The following KIAA1755 variants were observed in gnomAD, a reference collection of about 807,000 sequenced individuals.
KIAA1755 encodes uncharacterized protein KIAA1755.
A neutral mutation model predicts 91.7 loss-of-function variants in KIAA1755; 68 were observed. The observed-to-expected ratio is 0.74, with a 90% confidence interval of 0.61 to 0.91. The LOEUF (loss-of-function observed/expected upper bound fraction) is 0.91. KIAA1755 is among the 40% of genes least tolerant of loss of function. The probability of loss-of-function intolerance (pLI) is 0.00; values close to 1 mark genes in which losing one functional copy is unlikely to be tolerated. For synonymous variants in KIAA1755, 610 were observed against 604.6 expected, an observed-to-expected ratio of 1.01 and a Z score of -0.13; for missense variants, 1,535 against 1,494.4, an observed-to-expected ratio of 1.03 and a Z score of -0.45.
At chr20:38,229,212 C>G (rs534385998) in intron 5 of KIAA1755, among the ~76,000 whole-genome samples, 2 of 152,316 alleles carry the variant, frequency 1.3e-5, no homozygotes, top group South Asian at 4.1e-4. Context: ...GCCATTAGTA[C>G]CTTGTGGTCT....
At chr20:38,235,003 G>T (rs763062605) in intron 4 of KIAA1755, among the ~76,000 whole-genome samples, 1 of 152,314 alleles carries the variant, frequency 6.6e-6, no homozygotes, top group Non-Finnish European at 1.5e-5. Context: ...GTAAGTCGGG[G>T]TTGCCCAAAG....
intron 1 of KIAA1755, 36 bp downstream of exon 1, chr20:38,260,462 G>A (rs1008115090): frequency 9.9e-6 from 15 of 1,515,454 alleles, no homozygotes; most frequent in Non-Finnish European, 1.2e-5. Flanking sequence ...CACTGAAAGG[G>A]GGCAGAGCGA....
chr20:38,258,661 C>T (rs539738619), intron 1 of KIAA1755, among the ~76,000 whole-genome samples: 1 of 152,172 alleles, frequency 6.6e-6, no homozygotes, highest in South Asian at 2.1e-4. Context: ...AGGTATTCCT[C>T]CAAGCAGGAA....
chr20:38,239,600 GCTC>G lies in KIAA1755; in HGVS notation c.1672_1674del (p.Glu558del), dbSNP rs753439033. ...CCAATCCTGGGCTCAGGCCCTGGGG[GCTC>G]CTCCTCCAGGGTGGGGCCTCTTTCT... On this transcript the variant is annotated inframe_deletion, in exon 4 of 14. Transcript: ENST00000279024. 4 of 1,607,358 alleles carry G rather than the reference GCTC, an allele frequency of 2.5e-6. No individual in the cohort carries two copies. Among genetic ancestry groups the G allele is most frequent in the Non-Finnish European group, 2.5e-6 (3 of 1,177,804 alleles).
chr20:38,240,743 G>T lies in KIAA1755; in HGVS notation c.1388C>A (p.Ser463Tyr), dbSNP rs566259308. ...PMPCPSRNTS[S>Y]PEPPTPGLKF... ...GAGCCCAGGAGTGGGGGGCTCAGGG[G>T]AGGAGGTGTTTCTGCTAGGGCAGGG... The change falls in exon 3 of 14, where the codon TCC (serine) becomes TAC (tyrosine). Residue 463 changes from serine to tyrosine, a missense_variant. By Grantham distance (144) the Ser-to-Tyr change is moderately radical. Coordinates refer to ENST00000279024, the MANE Select transcript of KIAA1755 (RefSeq NM_001029864.2). 6 of 1,580,780 alleles carry T rather than the reference G, an allele frequency of 3.8e-6. No individual in the cohort carries two copies. The East Asian group carries it at 1.3e-4, about 35-fold the overall frequency.
rs1390489510 is a variant in KIAA1755 at position 38,212,871 on chromosome 20, T to C, written c.*171A>G. 7 of 557,038 alleles carry C rather than the reference T, an allele frequency of 1.3e-5. No individual in the cohort carries two copies. Among genetic ancestry groups the C allele is most frequent in the African/African-American group, 1.9e-5 (1 of 53,706 alleles). 34.5% of individuals were successfully genotyped at this position (557,038 alleles called of 1,614,324 possible). On this transcript the variant is annotated 3_prime_UTR_variant, in exon 14 of 14. Transcript: ENST00000279024. ...TGAAGATCGGGTCTTCCAGGAGTTT[T>C]CTGGAGCCAGGGGCAGGTCGACAGT...
chr20:38,233,322 G>A (rs2075902262), intron 4 of KIAA1755: 4 of 152,108 alleles, frequency 2.6e-5, no homozygotes, highest in Admixed American at 2.0e-4. Flanking sequence ...ATACTATTCT[G>A]TCTACTTTTC....
intron 10 of KIAA1755, among the ~76,000 whole-genome samples, 161 bp downstream of exon 10, chr20:38,222,287 TC>T (rs1233654509): frequency 6.6e-6 from 1 of 152,230 alleles, no homozygotes; most frequent in Non-Finnish European, 1.5e-5. Flanking sequence ...AGGGCAGGTT[TC>T]TGTGACCAGG....
intron 4 of KIAA1755, among the ~76,000 whole-genome samples, chr20:38,232,407 A>G (rs1229628206): frequency 2.0e-5 from 3 of 151,558 alleles, no homozygotes; most frequent in Non-Finnish European, 4.4e-5. Context: ...CGGGTGGATC[A>G]CGAGGTCAGG....
At position 38,241,027 on chromosome 20, in the gene KIAA1755, C is replaced by A; in HGVS notation, c.1104G>T (p.Pro368=). The A allele has an allele frequency of 1.2e-6, 2 of 1,614,142 alleles. No homozygotes were observed. Among genetic ancestry groups the A allele is most frequent in the South Asian group, 1.1e-5 (1 of 91,088 alleles). ...GGACATTCATGTAGGAGCCTTGGGG[C>A]GGCCTTTCTGAGTTGTGGGTGGGTG... ...LKAPTHNSER[P]PQGSYMNVLE... is the part of the protein sequence containing the mutation. Residue 368 remains proline (P), a synonymous_variant, in exon 3 of 14, where the codon CCG becomes CCT. Transcript: ENST00000279024.
At chr20:38,246,147 G>C in intron 1 of KIAA1755, 21 bp from the exon 2 acceptor site, 1 of 1,599,370 alleles carries the variant, frequency 6.3e-7, no homozygotes, top group Admixed American at 1.7e-5. Context: ...CAGGAGGAGG[G>C]GGTGATAATA....
intron 1 of KIAA1755, among the ~76,000 whole-genome samples, chr20:38,246,593 C>A (rs543157336): frequency 3.3e-5 from 5 of 152,338 alleles, no homozygotes; most frequent in African/African-American, 1.2e-4. Context: ...CAGACAGCCC[C>A]ACTCCACATG....
chr20:38,231,346 G>T (rs758257258), intron 4 of KIAA1755, 21 bp from the exon 5 acceptor site: 1 of 1,592,848 alleles, frequency 6.3e-7, no homozygotes, highest in Non-Finnish European at 8.5e-7. Flanking sequence ...GAGGGCACAC[G>T]TGAGCAGTGA....
At chr20:38,218,723 G>A (rs979495178) in intron 11 of KIAA1755, among the ~76,000 whole-genome samples, 1 of 152,208 alleles carries the variant, frequency 6.6e-6, no homozygotes, top group African/African-American at 2.4e-5. Context: ...TGAGCTCCCT[G>A]TTCGGGTGTG....
intron 6 of KIAA1755, 25 bp from the exon 7 acceptor site, chr20:38,227,265 T>G: frequency 6.3e-7 from 1 of 1,578,930 alleles, no homozygotes; most frequent in Non-Finnish European, 8.7e-7. Flanking sequence ...CACTGCAGAG[T>G]TGCTCTGCCC....
rs1398866590 is a variant in KIAA1755 at position 38,216,752 on chromosome 20, T to C, written c.2901+501A>G. The C allele has an allele frequency of 2.0e-5, 9 of 451,490 alleles. No individual in the cohort carries two copies. In the Admixed American group the frequency reaches 2.1e-4, roughly 11 times the overall value. 28.0% of individuals were successfully genotyped at this position (451,490 alleles called of 1,614,324 possible). On this transcript the variant is annotated intron_variant, in intron 13 of 13. Coordinates refer to ENST00000279024, the MANE Select transcript of KIAA1755 (RefSeq NM_001029864.2). ...TTGGTTCCCTGTCATCAAAGAGGTA[T>C]GGATAAGAATGAAGTCAAGTAAGGT...
chr20:38,245,091 G>A (rs1233522955), intron 2 of KIAA1755, among the ~76,000 whole-genome samples: 1 of 152,170 alleles, frequency 6.6e-6, no homozygotes, highest in East Asian at 1.9e-4. Flanking sequence ...ACTCAAGCTT[G>A]GCCAATCCTG....
Position 38,228,184 on chromosome 20 carries a change from G to A in KIAA1755, c.1928C>T (p.Pro643Leu), listed in dbSNP as rs1385459286. 1 of 1,605,274 alleles carries A rather than the reference G, an allele frequency of 6.2e-7. No homozygotes were observed. Among genetic ancestry groups the A allele is most frequent in the East Asian group, 2.2e-5 (1 of 44,514 alleles). The change falls in exon 6 of 14, where the codon CCA becomes CTA. Residue 643 changes from proline to leucine, a missense_variant. Physicochemically the swap from Pro to Leu is moderately conservative, Grantham distance 98. Coordinates refer to ENST00000279024, the MANE Select transcript of KIAA1755 (RefSeq NM_001029864.2). Reference sequence around the variant, plus strand: ...CAGGGCGCTGACCAGACCGGGCTGTGGGGGCTGTCTCCTGGCGTCAATCAG... The same window carrying A: ...CAGGGCGCTGACCAGACCGGGCTGTAGGGGCTGTCTCCTGGCGTCAATCAG... Reference protein sequence around the residue: ...AVLIDARRQPPQPGLVSALQA... With the variant: ...AVLIDARRQPLQPGLVSALQA...
intron 1 of KIAA1755, among the ~76,000 whole-genome samples, chr20:38,247,792 G>A (rs566270820): frequency 6.6e-6 from 1 of 152,312 alleles, no homozygotes; most frequent in East Asian, 1.9e-4. Context: ...AAGGGTAAGA[G>A]GAAATGTGAC....
Sources: gnomAD v4.1 joint callset for allele counts (sites outside exome capture counted in the v4.1 genomes callset) on GRCh38, gnomAD v4.1.1 for gene constraint, MANE v1.5 for transcripts, NCBI Gene and HGNC (gene_info 2026-07-23, HGNC 2026-07-21) for gene names.